PCGF5: variants seen among roughly 807,000 people sequenced by gnomAD.
The protein encoded by PCGF5 is polycomb group ring finger 5.
PCGF5 carries 9 observed loss-of-function variants against 44.3 expected under a neutral mutation model. The ratio of observed to expected loss-of-function variants is 0.20; its 90% confidence interval spans 0.12 to 0.35. PCGF5 has a LOEUF of 0.35. Ranked by LOEUF, PCGF5 falls within the 10% of genes least tolerant of loss-of-function variation. The pLI is 1.00. For synonymous variants in PCGF5, 95 were observed against 102.5 expected (o/e 0.93, Z 0.44); for missense variants, 146 against 305.3 (o/e 0.48, Z 3.89).
At chr10:91,161,968 G>C (rs1589341379), upstream of PCGF5, among the ~76,000 whole-genome samples, 1 of 152,094 alleles carries the variant, frequency 6.6e-6, no homozygotes, top group South Asian at 2.1e-4. Flanking sequence ...CCAGCCACAA[G>C]GGGGGATTCT....
upstream of PCGF5, among the ~76,000 whole-genome samples, chr10:91,158,730 T>C (rs2133143549): frequency 6.6e-6 from 1 of 152,306 alleles, no homozygotes; most frequent in South Asian, 2.1e-4. Flanking sequence ...CCCCAAACAA[T>C]GCTTTTTCTT....
intron 1 of PCGF5, among the ~76,000 whole-genome samples, chr10:91,203,402 G>A (rs887675292): frequency 8.5e-5 from 13 of 152,110 alleles, no homozygotes; most frequent in Admixed American, 2.0e-4. Flanking sequence ...ATGTTAATTT[G>A]TAGATTGATC....
At chr10:91,220,504 A>G (rs1421671257), upstream of PCGF5, 5 of 152,350 alleles carry the variant, frequency 3.3e-5, no homozygotes, top group African/African-American at 7.3e-5. Context: ...ACCTGCGAGC[A>G]GCGCAGGCGG....
intron 1 of PCGF5, among the ~76,000 whole-genome samples, chr10:91,165,495 A>G (rs1384395212): frequency 2.0e-5 from 3 of 152,198 alleles, no homozygotes; most frequent in East Asian, 3.9e-4. Context: ...ACCACTTAGT[A>G]TGAAGGTTTT....
At chr10:91,267,843 G>A (rs1190070067) in intron 8 of PCGF5, among the ~76,000 whole-genome samples, 2 of 152,122 alleles carry the variant, frequency 1.3e-5, no homozygotes, top group African/African-American at 2.4e-5. Context: ...TGGCTAACTA[G>A]CTCTGCCTTG....
At position 91,267,060 on chromosome 10, in the gene PCGF5, A is replaced by G. The variant is rs77133527; in HGVS notation, c.663+2540A>G. Reference sequence around the variant, plus strand: ...ATTCAGAATCTTTCTAGAGACCTACATATGTGGCCCCCATACAGTCTTCCC... The same window carrying G: ...ATTCAGAATCTTTCTAGAGACCTACGTATGTGGCCCCCATACAGTCTTCCC... On this transcript the variant is annotated intron_variant, in intron 8 of 9. Transcript: ENST00000336126. Among the ~76,000 whole-genome samples the G allele has an allele frequency of 7.1e-3, 1,078 of 152,242 alleles. 15 individuals are homozygous for G. The highest frequency in any genetic ancestry group is 0.023 in the African/African-American group (963 of 41,566).
intron 2 of PCGF5, among the ~76,000 whole-genome samples, chr10:91,238,601 C>CTTTTTTTTTTTTTTTTCTT (rs1845235620): frequency 1.7e-5 from 1 of 58,442 alleles, no homozygotes; most frequent in Non-Finnish European, 3.1e-5. Context: ...TTCTTTCTTT[C>CTTTTTTTTTTTTTTTTCTT]TTTTTTTTTT....
chr10:91,162,139 C>T (rs1843397145), upstream of PCGF5, among the ~76,000 whole-genome samples: 1 of 151,952 alleles, frequency 6.6e-6, no homozygotes, highest in African/African-American at 2.4e-5. Context: ...CAGGTGTTGT[C>T]TGTAAACGGA....
At chr10:91,202,175 C>T (rs775823411) in intron 1 of PCGF5, among the ~76,000 whole-genome samples, 1 of 152,126 alleles carries the variant, frequency 6.6e-6, no homozygotes, top group Non-Finnish European at 1.5e-5. Context: ...ACCATGCCTT[C>T]GTATAAAATG....
chr10:91,158,648 C>A (rs542051382), upstream of PCGF5, among the ~76,000 whole-genome samples: 45 of 152,114 alleles, frequency 3.0e-4, no homozygotes, highest in Non-Finnish European at 4.3e-4. Context: ...GTGGGACCAG[C>A]GACTAGGTAA....
upstream of PCGF5, among the ~76,000 whole-genome samples, chr10:91,160,537 A>G (rs950321465): frequency 2.0e-5 from 3 of 152,180 alleles, no homozygotes; most frequent in African/African-American, 7.2e-5. Flanking sequence ...ATAATTCCTA[A>G]TCTCTTCCTT....
At chr10:91,274,659 TA>T (rs1370499202) in intron 9 of PCGF5, among the ~76,000 whole-genome samples, 1 of 152,062 alleles carries the variant, frequency 6.6e-6, no homozygotes, top group East Asian at 1.9e-4. Context: ...AATAGATAAA[TA>T]GAATAGTTTT....
chr10:91,249,668 GATTATC>G (rs1476474813), intron 5 of PCGF5, among the ~76,000 whole-genome samples: 1 of 151,710 alleles, frequency 6.6e-6, no homozygotes, highest in Non-Finnish European at 1.5e-5. Context: ...GTAAAATGGA[GATTATC>G]ATTTTATTCG....
intron 6 of PCGF5, 151 bp downstream of exon 6, chr10:91,251,591 C>CT (rs1273614737): frequency 2.5e-6 from 2 of 795,844 alleles, no homozygotes; most frequent in African/African-American, 3.5e-5. Flanking sequence ...CAATCCTATG[C>CT]TTAGAAATGG....
intron 8 of PCGF5, among the ~76,000 whole-genome samples, chr10:91,270,787 A>G (rs535851490): frequency 6.6e-6 from 1 of 152,212 alleles, no homozygotes; most frequent in East Asian, 1.9e-4. Flanking sequence ...AATTTTTTCC[A>G]TTTTGAAAAG....
intron 2 of PCGF5, among the ~76,000 whole-genome samples, chr10:91,226,179 G>A (rs1844831060): frequency 6.8e-6 from 1 of 147,758 alleles, no homozygotes; most frequent in Admixed American, 6.9e-5. Context: ...TACTATTCAA[G>A]TTTGAAATGC....
chr10:91,227,998 A>G, intron 2 of PCGF5: 2 of 893,404 alleles, frequency 2.2e-6, no homozygotes, highest in Non-Finnish European at 1.3e-6. Flanking sequence ...ATTCAAATGC[A>G]GTGATAGGTA....
At chr10:91,181,609 G>A (rs1040353188) in intron 1 of PCGF5, among the ~76,000 whole-genome samples, 9 of 152,200 alleles carry the variant, frequency 5.9e-5, no homozygotes, top group African/African-American at 2.2e-4. Context: ...TGCATCTATT[G>A]AGTTAATTGT....
chr10:91,168,523 G>A (rs1391041808), intron 1 of PCGF5, among the ~76,000 whole-genome samples: 1 of 152,184 alleles, frequency 6.6e-6, no homozygotes, highest in African/African-American at 2.4e-5. Flanking sequence ...GCTGGCTTGG[G>A]AAGGAAATGG....
Sources: gnomAD v4.1 joint callset for allele counts (sites outside exome capture counted in the v4.1 genomes callset) on GRCh38, gnomAD v4.1.1 for gene constraint, MANE v1.5 for transcripts, NCBI Gene and HGNC (gene_info 2026-07-23, HGNC 2026-07-21) for gene names.